Variants in NAE1 observed in about 807,000 individuals in gnomAD.
NAE1 encodes the protein NEDD8-activating enzyme E1 regulatory subunit.
A neutral mutation model predicts 88.0 loss-of-function variants in NAE1; 59 were observed. That is an observed-to-expected ratio of 0.67 (90% CI 0.54 to 0.83). The LOEUF is 0.83. Ranked by LOEUF, NAE1 falls within the 40% of genes least tolerant of loss-of-function variation. The pLI, the probability that NAE1 is intolerant of heterozygous loss-of-function variation, is 0.00. For missense variants in NAE1, 554 were observed against 632.8 expected, an observed-to-expected ratio of 0.88 and a Z score of 1.34; for synonymous variants, 186 against 208.9, an observed-to-expected ratio of 0.89 and a Z score of 0.95.
chr16:66,823,336 C>G (rs1217901464), intron 5 of NAE1, 30 bp from the exon 6 acceptor site: 1 of 1,513,184 alleles, frequency 6.6e-7, no homozygotes, highest in Non-Finnish European at 8.9e-7. Flanking sequence ...AAAAAACAAA[C>G]AAAAAAAACC....
chr16:66,823,401 T>A (rs898147282), intron 5 of NAE1, 95 bp from the exon 6 acceptor site: 1 of 1,309,214 alleles, frequency 7.6e-7, no homozygotes, highest in Non-Finnish European at 1.1e-6. Flanking sequence ...TTACAACAAA[T>A]GAGGCAACAA....
At chr16:66,815,692 G>A (rs1250236073) in intron 11 of NAE1, among the ~76,000 whole-genome samples, 7 of 138,242 alleles carry the variant, frequency 5.1e-5, no homozygotes, top group East Asian at 2.2e-4. Flanking sequence ...ACAGAGTCTC[G>A]CTCTTGTTGC....
rs556760848 is a variant in NAE1 at position 66,808,910 on chromosome 16, C to T, written c.1237+79G>A. 210 of 949,476 alleles carry T rather than the reference C, an allele frequency of 2.2e-4. 3 individuals carry two copies. The South Asian group carries it at 4.0e-3, about 18-fold the overall frequency. The allele number at this position is 949,476 out of a possible 1,614,324, so 58.8% of individuals were successfully genotyped here. A position where few individuals can be genotyped will look rare whatever the true frequency, so the allele number is the denominator to read the frequency against. Reference sequence around the variant, plus strand: ...ATCTTTAATATCATCACCATATACTCAACACTATTATACACAAAATATTTA... The same window carrying T: ...ATCTTTAATATCATCACCATATACTTAACACTATTATACACAAAATATTTA... On this transcript the variant is annotated intron_variant, in intron 16 of 19. Transcript: ENST00000290810.
intron 3 of NAE1, chr16:66,826,166 C>A: frequency 4.2e-6 from 1 of 236,420 alleles, no homozygotes. Context: ...AAGAGAGATA[C>A]CCCTAGACTA....
Position 66,813,667 on chromosome 16 carries a change from A to T in NAE1, c.931T>A (p.Leu311Ile). 6.2e-7 allele frequency: 1 copy of T among 1,614,000 alleles called. No homozygotes were observed. Among genetic ancestry groups the T allele is most frequent in the South Asian group, 1.1e-5 (1 of 91,042 alleles). The change falls in exon 13 of 20, where the codon TTA becomes ATA. Residue 311 changes from leucine to isoleucine, a missense_variant. Physicochemically the swap from Leu to Ile is conservative, Grantham distance 5. Transcript: ENST00000290810. The part of the protein sequence containing the change: ...TPSFWILARA[L>I]KEFVAKEGQG... ...CCCTCTTTGGCCACAAATTCCTTTA[A>T]GGCACGAGCTAAAATCCAAAATGAT... is the stretch of plus-strand genomic sequence containing the variant.
chr16:66,803,944 G>C (rs1024239512), intron 19 of NAE1, among the ~76,000 whole-genome samples: 3 of 151,988 alleles, frequency 2.0e-5, no homozygotes, highest in Non-Finnish European at 2.9e-5. Flanking sequence ...CTAGGCAGTA[G>C]GGATACAGTA....
At chr16:66,819,604 T>C (rs1182268953) in intron 7 of NAE1, among the ~76,000 whole-genome samples, 1 of 152,242 alleles carries the variant, frequency 6.6e-6, no homozygotes, top group Non-Finnish European at 1.5e-5. Context: ...TGTTGAGTTT[T>C]TGGTATATTT....
intron 17 of NAE1, 87 bp from the exon 18 acceptor site, chr16:66,806,113 T>C: frequency 1.4e-6 from 2 of 1,387,838 alleles, no homozygotes; most frequent in South Asian, 1.6e-5. Context: ...TCAGATGTTC[T>C]AGTCAAAATA....
At chr16:66,810,998 T>C (rs947024682) in intron 13 of NAE1, among the ~76,000 whole-genome samples, 3 of 152,178 alleles carry the variant, frequency 2.0e-5, no homozygotes, top group Non-Finnish European at 4.4e-5. Flanking sequence ...AGGGTCCCTC[T>C]AACAGCACCC....
Position 66,824,891 on chromosome 16 carries a change from G to A in NAE1, c.219-6C>T. ...TGCTTCTTTGAAGGAAGAAACTAAA[G>A]TGAACAGAATAAAGGAAAAAAAAGT... On this transcript the variant is annotated splice_polypyrimidine_tract_variant and splice_region_variant and intron_variant, in intron 3 of 19. Coordinates refer to ENST00000290810, the MANE Select transcript of NAE1 (RefSeq NM_003905.4). The A allele has an allele frequency of 1.2e-6, 2 of 1,607,916 alleles. No individual in the cohort carries two copies. Among genetic ancestry groups the A allele is most frequent in the Non-Finnish European group, 1.7e-6 (2 of 1,176,738 alleles).
chr16:66,804,231 GAAGT>G (rs767092662), intron 19 of NAE1, among the ~76,000 whole-genome samples: 5 of 128,088 alleles, frequency 3.9e-5, no homozygotes, highest in Admixed American at 8.2e-5. Context: ...AGAATGCACA[GAAGT>G]AAAAAACAAA....
rs539467609 is a variant in NAE1, at chr16:66,826,652, G to C, written c.157+25C>G. ...TCATAAACTTAAAGAAGTATATTTA[G>C]AACACAACCACAAACCTACGTTACC... is the stretch of plus-strand genomic sequence containing the variant. On this transcript the variant is annotated intron_variant, in intron 2 of 19. Coordinates refer to ENST00000290810, the MANE Select transcript of NAE1 (RefSeq NM_003905.4). 1.7e-4 allele frequency: 276 copies of C among 1,613,640 alleles called. No individual in the cohort carries two copies. In the South Asian group the frequency reaches 2.8e-3, roughly 16 times the overall value.
chr16:66,808,450 T>G, intron 17 of NAE1, 71 bp downstream of exon 17: 1 of 1,067,946 alleles, frequency 9.4e-7, no homozygotes, highest in Non-Finnish European at 1.4e-6. Flanking sequence ...ATAAATACCC[T>G]GAGAACACTT....
At chr16:66,808,894 A>T in intron 16 of NAE1, 95 bp downstream of exon 16, 1 of 734,120 alleles carries the variant, frequency 1.4e-6, no homozygotes, top group Non-Finnish European at 2.1e-6. Flanking sequence ...TATCTTTAAT[A>T]TCATCACCAT....
chr16:66,816,840 A>C (rs1960062175), intron 10 of NAE1, 125 bp downstream of exon 10: 2 of 1,462,178 alleles, frequency 1.4e-6, no homozygotes. Context: ...TAACTTCTCC[A>C]GAAGGAAAAT....
chr16:66,813,524 C>T (rs747318375), intron 13 of NAE1, 40 bp downstream of exon 13: 32 of 1,561,424 alleles, frequency 2.0e-5, no homozygotes, highest in Non-Finnish European at 2.6e-5. Context: ...CTAATATAAT[C>T]AGACTTTTTC....
intron 16 of NAE1, 139 bp from the exon 17 acceptor site, chr16:66,808,752 A>C: frequency 1.4e-6 from 1 of 703,230 alleles, no homozygotes; most frequent in Non-Finnish European, 2.4e-6. Context: ...TAACATACTG[A>C]CTTTAACTCA....
At chr16:66,823,446 T>C (rs753574057) in intron 5 of NAE1, 83 bp downstream of exon 5, 11 of 1,391,824 alleles carry the variant, frequency 7.9e-6, no homozygotes, top group Non-Finnish European at 1.1e-5. Flanking sequence ...ACACAAAGAT[T>C]CAAAATTCTA....
intron 5 of NAE1, 96 bp from the exon 6 acceptor site, chr16:66,823,402 G>A: frequency 3.1e-6 from 4 of 1,298,658 alleles, no homozygotes; most frequent in Non-Finnish European, 3.3e-6. Flanking sequence ...TACAACAAAT[G>A]AGGCAACAAT....
Sources: gnomAD v4.1 joint callset for allele counts (sites outside exome capture counted in the v4.1 genomes callset) on GRCh38, gnomAD v4.1.1 for gene constraint, MANE v1.5 for transcripts, NCBI Gene and HGNC (gene_info 2026-07-23, HGNC 2026-07-21) for gene names.